The following ABTB2 variants were observed in gnomAD, a reference collection of about 807,000 sequenced individuals.
The protein encoded by ABTB2 is ankyrin repeat and BTB/POZ domain-containing protein 2.
In ABTB2, 56 loss-of-function variants were observed where a neutral mutation model predicts 104.1. The observed-to-expected ratio is 0.54, with a 90% CI of 0.43 to 0.67. ABTB2 has a LOEUF of 0.67. Ranked by LOEUF, ABTB2 falls within the 30% of genes least tolerant of loss-of-function variation. The probability of loss-of-function intolerance (pLI) is 0.00; values close to 1 mark genes in which losing one functional copy is unlikely to be tolerated. For synonymous variants in ABTB2, 606 were observed against 608.2 expected, an observed-to-expected ratio of 1.00 and a Z score of 0.05; for missense variants, 1,279 against 1,407.7, an observed-to-expected ratio of 0.91 and a Z score of 1.46.
chr11:34,303,894 C>T (rs755931540), intron 1 of ABTB2, among the ~76,000 whole-genome samples: 1 of 152,118 alleles, frequency 6.6e-6, no homozygotes, highest in Non-Finnish European at 1.5e-5. Flanking sequence ...CCACCCGTCT[C>T]GGCCTCCAAA....
chr11:34,341,150 T>C (rs1334576650), intron 1 of ABTB2, among the ~76,000 whole-genome samples: 1 of 152,246 alleles, frequency 6.6e-6, no homozygotes, highest in African/African-American at 2.4e-5. Flanking sequence ...AACTGTTTTA[T>C]ATACATTTTG....
chr11:34,190,265 G>A (rs1398986204), intron 3 of ABTB2, among the ~76,000 whole-genome samples: 1 of 72,422 alleles, frequency 1.4e-5, no homozygotes, highest in Admixed American at 1.7e-4. Flanking sequence ...CTGCCCCGCT[G>A]CCCCCCCAAA....
At position 34,252,266 on chromosome 11, in the gene ABTB2, C is replaced by T. The variant is rs537114679; in HGVS notation, c.884-47576G>A. 1.2e-4 allele frequency among the ~76,000 whole-genome samples: 18 copies of T among 152,282 alleles called. No homozygotes were observed. The highest frequency in any genetic ancestry group is 4.6e-4 in the Admixed American group (7 of 15,302). On this transcript the variant is annotated intron_variant, in intron 1 of 16. Coordinates refer to ENST00000435224, the MANE Select transcript of ABTB2 (RefSeq NM_145804.3). The surrounding 1 kb of genome is among the most constrained non-coding windows in gnomAD (Gnocchi z 5.5). ...AGTGACAGCGAGGAGGCCAGATGCACGAGCCTCTTCCTGAACCATCGCATC... is the reference window on the plus strand; with the variant it reads ...AGTGACAGCGAGGAGGCCAGATGCATGAGCCTCTTCCTGAACCATCGCATC...
At chr11:34,352,876 C>A (rs1175176491) in intron 1 of ABTB2, among the ~76,000 whole-genome samples, 3 of 152,118 alleles carry the variant, frequency 2.0e-5, no homozygotes, top group Non-Finnish European at 4.4e-5. Flanking sequence ...GGCAACATAG[C>A]AAGACCCTGT....
intron 9 of ABTB2, among the ~76,000 whole-genome samples, chr11:34,164,094 G>GCCAGCCCTGCTTAT (rs1344273175): frequency 1.4e-4 from 10 of 72,440 alleles, no homozygotes; most frequent in African/African-American, 3.1e-4. Flanking sequence ...TGTCCTGCCT[G>GCCAGCCCTGCTTAT]CCAGCCCTGC....
intron 1 of ABTB2, among the ~76,000 whole-genome samples, chr11:34,307,802 G>A (rs961574703): frequency 6.6e-6 from 1 of 151,926 alleles, no homozygotes; most frequent in Non-Finnish European, 1.5e-5. Context: ...GGGTTTAAGC[G>A]ATTCTCCTGC....
intron 3 of ABTB2, among the ~76,000 whole-genome samples, chr11:34,195,634 G>A (rs971534489): frequency 2.0e-5 from 3 of 152,240 alleles, no homozygotes; most frequent in Non-Finnish European, 4.4e-5. Context: ...TAGTGGTTAT[G>A]AGCCTGTGTC....
At chr11:34,316,838 A>G (rs1384578776) in intron 1 of ABTB2, among the ~76,000 whole-genome samples, 3 of 152,216 alleles carry the variant, frequency 2.0e-5, no homozygotes, top group African/African-American at 7.2e-5. Flanking sequence ...TGTGACCAAG[A>G]CAGTGGTAGC....
At chr11:34,173,117 CA>C in intron 4 of ABTB2, 37 bp downstream of exon 4, 2 of 1,612,446 alleles carry the variant, frequency 1.2e-6, no homozygotes, top group South Asian at 2.2e-5. Flanking sequence ...GGGGGCAGGT[CA>C]TGGATGCCGG....
At chr11:34,270,126 C>T (rs1854296266) in intron 1 of ABTB2, among the ~76,000 whole-genome samples, 1 of 152,136 alleles carries the variant, frequency 6.6e-6, no homozygotes, top group Non-Finnish European at 1.5e-5. Flanking sequence ...GCATGTAGTT[C>T]CCCCAATGGC....
chr11:34,351,859 T>G (rs2092485), intron 1 of ABTB2, among the ~76,000 whole-genome samples: 23,908 of 151,978 alleles, frequency 0.16, 3,290 homozygotes, highest in African/African-American at 0.36. Flanking sequence ...GAGCTTTCAG[T>G]AGGAGGAAGT....
chr11:34,288,511 C>T (rs142650249), intron 1 of ABTB2, among the ~76,000 whole-genome samples: 1,697 of 152,248 alleles, frequency 0.011, 13 homozygotes, highest in Non-Finnish European at 0.017. Flanking sequence ...TTTCTGAGCA[C>T]TTTAAATCAG....
At position 34,154,524 on chromosome 11, in the gene ABTB2, T is replaced by TC. The variant is rs1456313709; in HGVS notation, c.2767-147dup. The stretch of plus-strand genomic sequence containing the variant: ...CTTCTGATACTCCTGGGCCTAACCA[T>TC]CCCCGCTGGGACACGCACTGAGGCT... On this transcript the variant is annotated intron_variant, in intron 15 of 16. Transcript: ENST00000435224. The surrounding 1 kb of genome is among the most constrained non-coding windows in gnomAD (Gnocchi z 4.9). The TC allele has an allele frequency of 2.3e-6, 2 of 853,950 alleles. No homozygotes were observed. The highest frequency in any genetic ancestry group is 4.3e-5 in the Admixed American group (2 of 46,942). 52.9% of individuals were successfully genotyped at this position (853,950 alleles called of 1,614,324 possible). A position where few individuals can be genotyped will look rare whatever the true frequency, so the allele number is the denominator to read the frequency against.
chr11:34,162,509 G>A, intron 10 of ABTB2, 67 bp downstream of exon 10: 1 of 1,517,254 alleles, frequency 6.6e-7, no homozygotes, highest in Non-Finnish European at 9.0e-7. Context: ...CTGAAGAGCA[G>A]CAGGGAGTGA....
At chr11:34,261,700 T>C (rs755850430) in intron 1 of ABTB2, among the ~76,000 whole-genome samples, 2 of 152,210 alleles carry the variant, frequency 1.3e-5, no homozygotes, top group Non-Finnish European at 2.9e-5. Context: ...CATGCAATAA[T>C]GGGCATTATA....
At chr11:34,298,891 A>C (rs1280770386) in intron 1 of ABTB2, among the ~76,000 whole-genome samples, 1 of 152,202 alleles carries the variant, frequency 6.6e-6, no homozygotes, top group African/African-American at 2.4e-5. Flanking sequence ...TGTTTAAATT[A>C]ATAAAGATCC....
chr11:34,259,598 G>C (rs1383883893), intron 1 of ABTB2, among the ~76,000 whole-genome samples: 1 of 152,194 alleles, frequency 6.6e-6, no homozygotes, highest in African/African-American at 2.4e-5. Flanking sequence ...CAGATCTGTG[G>C]GGTATCACTG....
intron 1 of ABTB2, among the ~76,000 whole-genome samples, chr11:34,208,463 G>A (rs1048230236): frequency 6.6e-6 from 1 of 152,180 alleles, no homozygotes; most frequent in Non-Finnish European, 1.5e-5. Context: ...AGTGAATCTC[G>A]GAGTGTGGAG....
intron 1 of ABTB2, among the ~76,000 whole-genome samples, chr11:34,216,563 C>T (rs189964711): frequency 2.0e-5 from 3 of 152,160 alleles, no homozygotes; most frequent in Non-Finnish European, 2.9e-5. Flanking sequence ...GCAGCCTGGC[C>T]AACATGGTAA....
Sources: gnomAD v4.1 joint callset for allele counts (sites outside exome capture counted in the v4.1 genomes callset) on GRCh38, gnomAD v4.1.1 for gene constraint, Gnocchi (gnomAD v3.1) non-coding constraint, MANE v1.5 for transcripts, NCBI Gene and HGNC (gene_info 2026-07-23, HGNC 2026-07-21) for gene names.